CHD2: variants seen among roughly 807,000 people sequenced by gnomAD.
CHD2 encodes ATP-dependent chromatin remodeler CHD2.
In CHD2, 28 loss-of-function variants were observed where a neutral mutation model predicts 243.9. The ratio of observed to expected loss-of-function variants is 0.11; its 90% confidence interval spans 0.09 to 0.16. The LOEUF is 0.16. CHD2 is among the 10% of genes least tolerant of loss of function. The pLI is 1.00. For missense variants in CHD2, 1,386 were observed against 2,209.8 expected (o/e 0.63, Z 7.47); for synonymous variants, 775 against 779.0 (o/e 0.99, Z 0.09).
intron 34 of CHD2, among the ~76,000 whole-genome samples, chr15:93,008,044 A>G (rs1182180334): frequency 6.6e-6 from 1 of 152,182 alleles, no homozygotes; most frequent in Non-Finnish European, 1.5e-5. Flanking sequence ...ATCTCCTTTG[A>G]AAGTTTTCAT....
intron 15 of CHD2, among the ~76,000 whole-genome samples, chr15:92,955,818 G>A (rs2053611311): frequency 6.6e-6 from 1 of 152,138 alleles, no homozygotes; most frequent in African/African-American, 2.4e-5. Context: ...AGAATGAAAG[G>A]GTATTGAATA....
intron 2 of CHD2, among the ~76,000 whole-genome samples, chr15:92,909,436 CT>C (rs1330573601): frequency 6.6e-6 from 1 of 152,134 alleles, no homozygotes; most frequent in Non-Finnish European, 1.5e-5. Flanking sequence ...GTTTCTAAGT[CT>C]AGCAGTGCCT....
chr15:92,991,619 C>CT, intron 27 of CHD2, 102 bp downstream of exon 27: 1 of 747,162 alleles, frequency 1.3e-6, no homozygotes. Context: ...ATGCTGGGAA[C>CT]ATTTTTTTTT....
intron 12 of CHD2, 25 bp downstream of exon 12, chr15:92,946,241 T>A: frequency 6.3e-7 from 1 of 1,580,840 alleles, no homozygotes. Context: ...GGCTTTTGTT[T>A]TTTCAGGGAG....
At chr15:92,972,222 TTG>T in intron 18 of CHD2, 41 bp from the exon 19 acceptor site, 1 of 1,581,410 alleles carries the variant, frequency 6.3e-7, no homozygotes, top group Non-Finnish European at 8.6e-7. Flanking sequence ...AGATTAAAAT[TTG>T]TGTTTCAACA....
chr15:93,009,481 A>C (rs976672821), intron 35 of CHD2, 158 bp downstream of exon 35: 2 of 652,060 alleles, frequency 3.1e-6, no homozygotes, highest in African/African-American at 3.6e-5. Flanking sequence ...CTCCCTTTCC[A>C]TGAAATAGGC....
chr15:92,938,268 A>G (rs1478241114), intron 6 of CHD2, among the ~76,000 whole-genome samples: 1 of 152,254 alleles, frequency 6.6e-6, no homozygotes, highest in East Asian at 1.9e-4. Context: ...AGAGCACTAA[A>G]TTTGAACTCC....
chr15:92,954,253 GC>G (rs1847259551), intron 14 of CHD2: 1 of 152,216 alleles, frequency 6.6e-6, no homozygotes. Context: ...ATTCTTTCCT[GC>G]TACTGATGAA....
intron 26 of CHD2, among the ~76,000 whole-genome samples, chr15:92,986,905 AT>A (rs918389363): frequency 1.2e-4 from 18 of 148,534 alleles, no homozygotes; most frequent in Non-Finnish European, 1.5e-4. Context: ...CTAATTAAAA[AT>A]TTTTTTTTTT....
chr15:92,955,955 A>G (rs1197024517), intron 15 of CHD2, among the ~76,000 whole-genome samples: 1 of 152,222 alleles, frequency 6.6e-6, no homozygotes, highest in Non-Finnish European at 1.5e-5. Flanking sequence ...GATGATGTGA[A>G]TGGTCTTTGT....
rs780531827 is a variant in CHD2, at chr15:92,992,840, C to T, written c.3456-19C>T. On this transcript the variant is annotated intron_variant, in intron 27 of 38. Transcript: ENST00000394196. ...TGGGCACAGGGTCCTAAAGTGTCCCCATATTTGTTCCTCCTCAGGCTGGAG... is the reference window on the plus strand; with the variant it reads ...TGGGCACAGGGTCCTAAAGTGTCCCTATATTTGTTCCTCCTCAGGCTGGAG... 2.0e-5 allele frequency: 33 copies of T among 1,610,864 alleles called. No individual in the cohort carries two copies. Among genetic ancestry groups the T allele is most frequent in the Admixed American group, 3.3e-5 (2 of 59,982 alleles).
chr15:93,011,709 C>A (rs2054396404), intron 35 of CHD2, among the ~76,000 whole-genome samples: 1 of 152,182 alleles, frequency 6.6e-6, no homozygotes, highest in African/African-American at 2.4e-5. Context: ...CTCATCATAT[C>A]ATTCCCCTGT....
At chr15:92,975,954 C>T (rs759943692) in intron 20 of CHD2, among the ~76,000 whole-genome samples, 3 of 152,168 alleles carry the variant, frequency 2.0e-5, no homozygotes, top group Non-Finnish European at 2.9e-5. Context: ...TTTCCTTGCT[C>T]CTTGTTTCCT....
intron 37 of CHD2, among the ~76,000 whole-genome samples, chr15:93,015,289 G>A (rs1460934303): frequency 2.0e-5 from 3 of 152,166 alleles, no homozygotes; most frequent in Non-Finnish European, 4.4e-5. Context: ...ATGTTGGCCA[G>A]GCTGGTCTCA....
chr15:92,991,884 G>T (rs569351985), intron 27 of CHD2: 45 of 165,600 alleles, frequency 2.7e-4, no homozygotes, highest in South Asian at 7.8e-4. Context: ...AATGTCAAAG[G>T]TAAAAGGCTC....
rs1054405010 is a variant in CHD2 at position 92,998,859 on chromosome 15, G to A, written c.4008+238G>A. Among the ~76,000 whole-genome samples, 16 of 151,914 alleles carry A rather than the reference G, an allele frequency of 1.1e-4. No homozygotes were observed. The highest frequency in any genetic ancestry group is 4.4e-5 in the Non-Finnish European group (3 of 67,976). On this transcript the variant is annotated intron_variant, in intron 31 of 38. Transcript: ENST00000394196. This position sits in a 1 kb window ranked among gnomAD's most constrained non-coding sequence, Gnocchi z 5.1. ...AGCACTTTGGGAGGCTGAGGCGGGC[G>A]GATCACAAGGTCAGGAGATTGAGAC...
chr15:93,007,720 TTACC>T (rs56348598), intron 34 of CHD2, among the ~76,000 whole-genome samples: 65,637 of 151,660 alleles, frequency 0.43, 14,967 homozygotes, highest in East Asian at 0.84. Context: ...GTTCCCAGTT[TTACC>T]TTTATGGAAT....
chr15:92,927,666 C>T (rs1596382239), intron 4 of CHD2, among the ~76,000 whole-genome samples: 1 of 152,078 alleles, frequency 6.6e-6, no homozygotes, highest in African/African-American at 2.4e-5. Context: ...TTCTAAATCT[C>T]CTAGATATTT....
At chr15:92,913,052 C>T (rs1359875927) in intron 2 of CHD2, among the ~76,000 whole-genome samples, 1 of 152,232 alleles carries the variant, frequency 6.6e-6, no homozygotes, top group Non-Finnish European at 1.5e-5. Context: ...CTTAAGTTTA[C>T]TTGCTAAAAA....
Sources: gnomAD v4.1 joint callset for allele counts (sites outside exome capture counted in the v4.1 genomes callset) on GRCh38, gnomAD v4.1.1 for gene constraint, Gnocchi (gnomAD v3.1) non-coding constraint, MANE v1.5 for transcripts, NCBI Gene and HGNC (gene_info 2026-07-23, HGNC 2026-07-21) for gene names.